The following C11orf98 variants were observed in gnomAD, a reference collection of about 807,000 sequenced individuals.
C11orf98 encodes chromosome 11 open reading frame 98.
Under a neutral mutation model 10.9 loss-of-function variants are expected in C11orf98, and 7 were observed. The observed-to-expected ratio is 0.64, with a 90% CI of 0.37 to 1.21. The LOEUF is 1.21. Ranked by LOEUF, C11orf98 falls within the 50% of genes most tolerant of loss-of-function variation. The pLI is 0.02. For synonymous variants in C11orf98, 70 were observed against 57.2 expected (o/e 1.22, Z -1.01); for missense variants, 181 against 153.7 (o/e 1.18, Z -0.94).
At chr11:62,665,020 C>T in intron 1 of C11orf98, 47 bp from the exon 2 acceptor site, 1 of 1,601,098 alleles carries the variant, frequency 6.2e-7, no homozygotes, top group Non-Finnish European at 8.5e-7. Context: ...CTCGCCGCGA[C>T]CCGGGGCCCC....
chr11:62,665,149 C>A lies in C11orf98; in HGVS notation c.21G>T (p.Lys7Asn), dbSNP rs568429624. The A allele has an allele frequency of 4.1e-6, 4 of 975,902 alleles. No homozygotes were observed. The highest frequency in any genetic ancestry group is 3.2e-5 in the African/African-American group (2 of 62,342). The allele number at this position is 975,902 out of a possible 1,614,324, so 60.5% of individuals were successfully genotyped here. The change falls in exon 1 of 4, where the codon AAG (lysine) becomes AAT (asparagine). Residue 7 changes from lysine to asparagine, a missense_variant. Physicochemically the swap from Lys to Asn is moderately conservative, Grantham distance 94. Coordinates refer to ENST00000524958, the MANE Select transcript of C11orf98 (RefSeq NM_001286086.2). ...CAGTCACCGTTCGGGGCCGGTTGAT[C>A]TTTCCCCCCGGAGCTCCCATAGTCG... MGAPGG[K>N]INRPRTELKK...
chr11:62,664,984 G>T lies in C11orf98; in HGVS notation c.40-11C>A. On this transcript the variant is annotated splice_polypyrimidine_tract_variant and intron_variant, in intron 1 of 3. Coordinates refer to ENST00000524958, the MANE Select transcript of C11orf98 (RefSeq NM_001286086.2). The stretch of plus-strand genomic sequence containing the variant: ...CTTCTTCTTCAGCTCCTGCCGGGGA[G>T]AAAGATGCGAATCAGATGGAGTGGG... 1 of 1,609,314 alleles carries T rather than the reference G, an allele frequency of 6.2e-7. No individual in the cohort carries two copies. Among genetic ancestry groups the T allele is most frequent in the Non-Finnish European group, 8.5e-7 (1 of 1,179,802 alleles).
rs1394630429 is a variant in C11orf98, at chr11:62,663,310, G to A, written c.188C>T (p.Thr63Ile). The change falls in exon 3 of 4, where the codon ACA becomes ATA. Residue 63 changes from threonine (T) to isoleucine (I), a missense_variant. Thr to Ile is a moderately conservative substitution (Grantham distance 89). Transcript: ENST00000524958. ...TTTTCTGCGCTTCTTCCCTGACAGT[G>A]TAATGTTGGCACGTGCACTGGACCT... Reference protein sequence around the residue: ...KRASSARANITLSGKKRRKLL... With the variant: ...KRASSARANIILSGKKRRKLL... 4 of 1,614,052 alleles carry A rather than the reference G, an allele frequency of 2.5e-6. No homozygotes were observed. The highest frequency in any genetic ancestry group is 2.5e-6 in the Non-Finnish European group (3 of 1,180,020).
chr11:62,665,089 G>A (rs1218841630), intron 1 of C11orf98, 42 bp downstream of exon 1: 1 of 1,471,000 alleles, frequency 6.8e-7, no homozygotes, highest in Non-Finnish European at 9.3e-7. Context: ...AAAGGGCTCA[G>A]GAACGCTTGA....
chr11:62,663,413 A>T (rs1390811543), intron 2 of C11orf98, 80 bp from the exon 3 acceptor site: 54 of 1,458,704 alleles, frequency 3.7e-5, no homozygotes, highest in Non-Finnish European at 4.9e-5. Context: ...GCTATAGAAA[A>T]AGTATTAAAT....
Position 62,663,101 on chromosome 11 carries a change from C to G in C11orf98, c.321G>C (p.Lys107Asn). 1 of 1,613,724 alleles carries G rather than the reference C, an allele frequency of 6.2e-7. No individual in the cohort carries two copies. Among genetic ancestry groups the G allele is most frequent in the Non-Finnish European group, 8.5e-7 (1 of 1,179,828 alleles). The change falls in exon 4 of 4, where the codon AAG becomes AAC. Residue 107 changes from lysine (K) to asparagine (N), a missense_variant. Lys to Asn is a moderately conservative substitution (Grantham distance 94). Coordinates refer to ENST00000524958, the MANE Select transcript of C11orf98 (RefSeq NM_001286086.2). ...TTTCTACATCCTGGGGGGCTTTTGTCTTCTTTTGCCTTTTGAGCTGTGGTT... is the reference window on the plus strand; with the variant it reads ...TTTCTACATCCTGGGGGGCTTTTGTGTTCTTTTGCCTTTTGAGCTGTGGTT... ...TSEPQLKRQK[K>N]TKAPQDVEMK... is the part of the protein sequence containing the mutation.
chr11:62,663,301 C>T lies in C11orf98; in HGVS notation c.197G>A (p.Gly66Glu), dbSNP rs779634649. The T allele has an allele frequency of 5.0e-6, 8 of 1,614,044 alleles. No homozygotes were observed. The Admixed American group carries it at 1.3e-4, about 27-fold the overall frequency. ...CTGGAGGAGTTTTCTGCGCTTCTTC[C>T]CTGACAGTGTAATGTTGGCACGTGC... ...SSARANITLS[G>E]KKRRKLLQQI... is the part of the protein sequence containing the mutation. The change falls in exon 3 of 4, where the codon GGG becomes GAG. Residue 66 changes from glycine (G) to glutamate (E), a missense_variant. Gly to Glu is a moderately conservative substitution (Grantham distance 98, BLOSUM62 -2). Coordinates refer to ENST00000524958, the MANE Select transcript of C11orf98 (RefSeq NM_001286086.2).
intron 2 of C11orf98, 22 bp from the exon 3 acceptor site, chr11:62,663,355 A>T (rs781586917): frequency 6.2e-7 from 1 of 1,610,878 alleles, no homozygotes; most frequent in South Asian, 1.1e-5. Flanking sequence ...GTGGAAATAA[A>T]GAGAGCTAGG....
chr11:62,663,436 G>C (rs1189552058), intron 2 of C11orf98, 103 bp from the exon 3 acceptor site: 8 of 1,220,634 alleles, frequency 6.6e-6, no homozygotes, highest in Non-Finnish European at 9.1e-6. Flanking sequence ...GCTGGGCGCA[G>C]TGGCTCACGC....
Position 62,665,118 on chromosome 11 carries a change from C to T in C11orf98, c.39+13G>A, listed in dbSNP as rs1324361012. 2.4e-6 allele frequency: 3 copies of T among 1,225,798 alleles called. No individual in the cohort carries two copies. Among genetic ancestry groups the T allele is most frequent in the East Asian group, 2.5e-5 (1 of 39,498 alleles). The allele number at this position is 1,225,798 out of a possible 1,614,324, so 75.9% of individuals were successfully genotyped here. A position where few individuals can be genotyped will look rare whatever the true frequency, so the allele number is the denominator to read the frequency against. ...CGCTTGAGGAAACAAAGTCGCGGCC[C>T]CCACACAGTCACCGTTCGGGGCCGG... On this transcript the variant is annotated intron_variant, in intron 1 of 3. Transcript: ENST00000524958.
chr11:62,664,133 G>T (rs530258967), intron 2 of C11orf98, among the ~76,000 whole-genome samples: 9 of 150,064 alleles, frequency 6.0e-5, no homozygotes, highest in African/African-American at 2.0e-4. Flanking sequence ...AATGGGATGG[G>T]AACTCTTCCT....
At position 62,664,846 on chromosome 11, in the gene C11orf98, T is replaced by TA. The variant is rs1483431540; in HGVS notation, c.164+2dup. 6 of 1,563,420 alleles carry TA rather than the reference T, an allele frequency of 3.8e-6. No homozygotes were observed. Among genetic ancestry groups the TA allele is most frequent in the East Asian group, 2.4e-5 (1 of 42,050 alleles). On this transcript the variant is annotated splice_region_variant and intron_variant, in intron 2 of 3. Coordinates refer to ENST00000524958, the MANE Select transcript of C11orf98 (RefSeq NM_001286086.2). ...ACCAACAGGAAGAGGGTCTAGTACT[T>TA]ACGCCCGCTTCTTGAGGTGGTGCCG...
intron 2 of C11orf98, among the ~76,000 whole-genome samples, chr11:62,664,474 G>A (rs1944739796): frequency 6.6e-6 from 1 of 151,794 alleles, no homozygotes; most frequent in Non-Finnish European, 1.5e-5. Flanking sequence ...GGGACTACAG[G>A]TGCCGGCCAC....
rs1590843552 is a variant in C11orf98, at chr11:62,663,170, G to A, written c.263-11C>T. The A allele has an allele frequency of 1.2e-6, 2 of 1,613,852 alleles. No homozygotes were observed. Among genetic ancestry groups the A allele is most frequent in the Non-Finnish European group, 1.7e-6 (2 of 1,179,936 alleles). On this transcript the variant is annotated splice_polypyrimidine_tract_variant and intron_variant, in intron 3 of 3. Transcript: ENST00000524958. ...TTGAAGGGGCTTCCACTGAGTAAAG[G>A]GAAGAAGGAAGTATTATCCCAAATA...
At chr11:62,664,139 T>C (rs1944728480) in intron 2 of C11orf98, among the ~76,000 whole-genome samples, 1 of 150,624 alleles carries the variant, frequency 6.6e-6, no homozygotes, top group Non-Finnish European at 1.5e-5. Flanking sequence ...ATGGGAACTC[T>C]TCCTCAAGAC....
intron 1 of C11orf98, 34 bp downstream of exon 1, chr11:62,665,097 T>G: frequency 1.4e-6 from 2 of 1,422,024 alleles, no homozygotes; most frequent in Non-Finnish European, 9.6e-7. Context: ...CAGGAACGCT[T>G]GAGGAAACAA....
intron 2 of C11orf98, among the ~76,000 whole-genome samples, chr11:62,664,436 T>C (rs1341667664): frequency 1.3e-5 from 2 of 149,738 alleles, no homozygotes; most frequent in Non-Finnish European, 3.0e-5. Context: ...GTTCAAGCAA[T>C]TCTCCTGCCT....
chr11:62,665,155 C>A lies in C11orf98; in HGVS notation c.15G>T (p.Gly5=), dbSNP rs1185885538. The part of the protein sequence containing the change: MGAP[G]GKINRPRTEL... ...CCGTTCGGGGCCGGTTGATCTTTCC[C>A]CCCGGAGCTCCCATAGTCGCGATTC... is the stretch of plus-strand genomic sequence containing the variant. Residue 5 remains glycine (G), a synonymous_variant, in exon 1 of 4, where the codon GGG becomes GGT. Coordinates refer to ENST00000524958, the MANE Select transcript of C11orf98 (RefSeq NM_001286086.2). 4.4e-6 allele frequency: 4 copies of A among 915,800 alleles called. No individual in the cohort carries two copies. The East Asian group carries it at 1.0e-4, about 24-fold the overall frequency. 56.7% of individuals were successfully genotyped at this position (915,800 alleles called of 1,614,324 possible). A position where few individuals can be genotyped will look rare whatever the true frequency, so the allele number is the denominator to read the frequency against.
Position 62,662,926 on chromosome 11 carries a change from A to G in C11orf98, c.*124T>C. 1.4e-6 allele frequency: 1 copy of G among 722,684 alleles called. No individual in the cohort carries two copies. 44.8% of individuals were successfully genotyped at this position (722,684 alleles called of 1,614,324 possible). A position where few individuals can be genotyped will look rare whatever the true frequency, so the allele number is the denominator to read the frequency against. ...CAAAGACATCCCTCTAGGGGAGGTC[A>G]GTAGGCCATTAGGTAGGAGGAAATC... On this transcript the variant is annotated 3_prime_UTR_variant, in exon 4 of 4. Transcript: ENST00000524958.
Sources: allele counts gnomAD v4.1 joint callset (sites outside exome capture counted in the v4.1 genomes callset), GRCh38; gene constraint gnomAD v4.1.1; transcripts MANE v1.5; gene names NCBI Gene and HGNC (gene_info 2026-07-23, HGNC 2026-07-21).